The following GRM4 variants were observed in gnomAD, a reference collection of about 807,000 sequenced individuals.
The protein encoded by GRM4 is glutamate metabotropic receptor 4, also known as metabotropic glutamate receptor 4.
GRM4 carries 28 observed loss-of-function variants against 81.7 expected under a neutral mutation model. The ratio of observed to expected loss-of-function variants is 0.34; its 90% CI spans 0.25 to 0.47. The LOEUF is 0.47. Ranked by LOEUF, GRM4 falls within the 20% of genes least tolerant of loss-of-function variation. The pLI, the probability that GRM4 is intolerant of heterozygous loss-of-function variation, is 1.00. For synonymous variants in GRM4, 488 were observed against 528.8 expected, an observed-to-expected ratio of 0.92 and a Z score of 1.06; for missense variants, 948 against 1,290.0, an observed-to-expected ratio of 0.73 and a Z score of 4.06.
Position 34,133,326 on chromosome 6 carries a change from C to T in GRM4, c.171G>A (p.Val57=), listed in dbSNP as rs759908036. ...GCTTGCCCTCTGAGCCCCGGCCATG[C>T]ACCGGGAACAGGCCTCCCAGTGTGA... The part of the protein sequence containing the change: ...GDITLGGLFP[V]HGRGSEGKPC... Residue 57 remains valine, a synonymous_variant, in exon 2 of 11, where the codon GTG becomes GTA. Transcript: ENST00000538487. This position sits in a 1 kb window ranked among gnomAD's most constrained non-coding sequence, Gnocchi z 6.5. 3.0e-5 allele frequency: 49 copies of T among 1,613,972 alleles called. No individual in the cohort carries two copies. The highest frequency in any genetic ancestry group is 4.0e-5 in the Non-Finnish European group (47 of 1,179,994).
intron 2 of GRM4, among the ~76,000 whole-genome samples, chr6:34,108,817 G>A (rs1489979080): frequency 6.6e-6 from 1 of 151,948 alleles, no homozygotes; most frequent in Non-Finnish European, 1.5e-5. Context: ...GAGGTCCCCT[G>A]CTCACGAAGG....
In GRM4 at chr6:34,022,778, A is replaced by G. The variant is rs1365593921; in HGVS notation, c.*43T>C. ...GGCCCTGGCCCGACGCACCTTCCACAGGGTCACGGCTCCTCCTCCTGCTGC... is the reference window on the plus strand; with the variant it reads ...GGCCCTGGCCCGACGCACCTTCCACGGGGTCACGGCTCCTCCTCCTGCTGC... On this transcript the variant is annotated 3_prime_UTR_variant, in exon 11 of 11. Transcript: ENST00000538487. This position sits in a 1 kb window ranked among gnomAD's most constrained non-coding sequence, Gnocchi z 5.6. 3 of 1,574,176 alleles carry G rather than the reference A, an allele frequency of 1.9e-6. No homozygotes were observed. The highest frequency in any genetic ancestry group is 1.1e-5 in the South Asian group (1 of 90,268).
intron 1 of GRM4, 36 bp downstream of exon 1, chr6:34,145,964 C>A (rs891089982): frequency 4.1e-6 from 4 of 983,088 alleles, no homozygotes; most frequent in African/African-American, 3.5e-5. Context: ...GAAGCCCCCC[C>A]CTTCCTCCTC....
rs116066130 is a variant in GRM4, at chr6:34,085,526, G to A, written c.736+6357C>T. Among the ~76,000 whole-genome samples the A allele has an allele frequency of 7.0e-3, 1,072 of 152,288 alleles. 8 individuals carry two copies. Among genetic ancestry groups the A allele is most frequent in the African/African-American group, 0.024 (1,017 of 41,568 alleles). On this transcript the variant is annotated intron_variant, in intron 3 of 10. Transcript: ENST00000538487. The stretch of plus-strand genomic sequence containing the variant: ...GCCTCACCCCCAATGCCTACACCCC[G>A]TCAGCCTCAGTTTGCCCCTCTGTAG...
At chr6:34,038,960 C>T (rs1764853203) in intron 8 of GRM4, among the ~76,000 whole-genome samples, 1 of 152,240 alleles carries the variant, frequency 6.6e-6, no homozygotes, top group Non-Finnish European at 1.5e-5. Context: ...AGCTCGGACA[C>T]AGCAGGTACT....
At position 34,043,737 on chromosome 6, in the gene GRM4, G is replaced by A. The variant is rs138641740; in HGVS notation, c.1169-2989C>T. Among the ~76,000 whole-genome samples the A allele has an allele frequency of 1.5e-3, 229 of 152,260 alleles. 1 individual carries two copies. Among genetic ancestry groups the A allele is most frequent in the African/African-American group, 5.2e-3 (214 of 41,532 alleles). On this transcript the variant is annotated intron_variant, in intron 6 of 10. Coordinates refer to ENST00000538487, the MANE Select transcript of GRM4 (RefSeq NM_000841.4). ...GGCTCGGGGCCAAGTGCTCTCTCTG[G>A]GGTCACGAAGCCATCAGTATGGATG... is the stretch of plus-strand genomic sequence containing the variant.
At chr6:34,126,621 T>C (rs1007379071) in intron 2 of GRM4, among the ~76,000 whole-genome samples, 1 of 152,226 alleles carries the variant, frequency 6.6e-6, no homozygotes, top group Admixed American at 6.5e-5. Context: ...TAGTGGGCAC[T>C]GGCTTGACCC....
Position 34,098,694 on chromosome 6 carries a change from T to TA in GRM4, c.520-6596dup, listed in dbSNP as rs373815951. Among the ~76,000 whole-genome samples, 620 of 152,338 alleles carry TA rather than the reference T, an allele frequency of 4.1e-3. 2 individuals are homozygous for TA. Among genetic ancestry groups the TA allele is most frequent in the Middle Eastern group, 0.021 (6 of 292 alleles). Reference sequence around the variant, plus strand: ...CAGCATCAGCTGTTTGCTTCACAGATAAAAGCCAGTGATGCTTTCAGGTAA... The same window carrying TA: ...CAGCATCAGCTGTTTGCTTCACAGATAAAAAGCCAGTGATGCTTTCAGGTAA... On this transcript the variant is annotated intron_variant, in intron 2 of 10. Transcript: ENST00000538487.
At chr6:34,076,973 T>C (rs1411648222) in intron 3 of GRM4, among the ~76,000 whole-genome samples, 2 of 151,792 alleles carry the variant, frequency 1.3e-5, no homozygotes, top group East Asian at 3.9e-4. Context: ...CAGGAGAGCC[T>C]TGGGGAGCAA....
intron 2 of GRM4, among the ~76,000 whole-genome samples, chr6:34,120,030 G>A (rs1255676011): frequency 6.6e-6 from 1 of 152,190 alleles, no homozygotes; most frequent in Non-Finnish European, 1.5e-5. Flanking sequence ...GGGTTGGGGT[G>A]TGTCTCTTGG....
intron 1 of GRM4, among the ~76,000 whole-genome samples, chr6:34,138,380 C>T (rs546607739): frequency 1.1e-4 from 17 of 152,362 alleles, no homozygotes; most frequent in African/African-American, 3.8e-4. Flanking sequence ...GCAGGGCCCA[C>T]CCAGCCCAGG....
intron 2 of GRM4, among the ~76,000 whole-genome samples, chr6:34,113,843 G>A (rs1769482532): frequency 6.6e-6 from 1 of 152,120 alleles, no homozygotes; most frequent in Non-Finnish European, 1.5e-5. Context: ...AACTCTCCAA[G>A]GCTATCTACT....
intron 1 of GRM4, among the ~76,000 whole-genome samples, chr6:34,139,497 C>T (rs568674027): frequency 1.2e-3 from 182 of 152,338 alleles, no homozygotes; most frequent in African/African-American, 4.2e-3. Flanking sequence ...AGCTGAGATC[C>T]TTCCTCCTCC....
rs1337584088 is a variant in GRM4 at position 34,136,271 on chromosome 6, C to G, written c.-363-2412G>C. ...GGGCACAGAGCTTGTGCAGGCTGCC[C>G]GTGCCCCTGGCTGCTCCTCTGTGCT... On this transcript the variant is annotated intron_variant, in intron 1 of 10. Transcript: ENST00000538487. This position sits in a 1 kb window ranked among gnomAD's most constrained non-coding sequence, Gnocchi z 4.1. Among the ~76,000 whole-genome samples the G allele has an allele frequency of 6.6e-6, 1 of 152,120 alleles. No homozygotes were observed. The highest frequency in any genetic ancestry group is 1.5e-5 in the Non-Finnish European group (1 of 68,018).
intron 1 of GRM4, among the ~76,000 whole-genome samples, chr6:34,144,524 C>G (rs973638946): frequency 6.6e-6 from 1 of 152,230 alleles, no homozygotes; most frequent in Non-Finnish European, 1.5e-5. Context: ...ACCCTAGAGA[C>G]CCCCACAACC....
chr6:34,050,348 C>T (rs1765555917), intron 6 of GRM4, among the ~76,000 whole-genome samples: 1 of 152,166 alleles, frequency 6.6e-6, no homozygotes, highest in African/African-American at 2.4e-5. Flanking sequence ...AAGGTGGGGC[C>T]TGGTGGGATG....
rs1763905972 is a variant in GRM4 at position 34,022,178 on chromosome 6, C to CT, written c.*642dup. ...GTGTTTTGATTTTTTTTCCTTTTTTCTCTTTTGCAACATGTAAGGTTTGGT... is the reference window on the plus strand; with the variant it reads ...GTGTTTTGATTTTTTTTCCTTTTTTCTTCTTTTGCAACATGTAAGGTTTGGT... On this transcript the variant is annotated 3_prime_UTR_variant, in exon 11 of 11. Coordinates refer to ENST00000538487, the MANE Select transcript of GRM4 (RefSeq NM_000841.4). This position sits in a 1 kb window ranked among gnomAD's most constrained non-coding sequence, Gnocchi z 5.6. 1 of 153,214 alleles carries CT rather than the reference C, an allele frequency of 6.5e-6. No individual in the cohort carries two copies. The highest frequency in any genetic ancestry group is 6.5e-5 in the Admixed American group (1 of 15,284). The allele number at this position is 153,214 out of a possible 1,614,324, so 9.5% of individuals were successfully genotyped here. A position where few individuals can be genotyped will look rare whatever the true frequency, so the allele number is the denominator to read the frequency against.
At chr6:34,091,832 C>A in intron 3 of GRM4, 51 bp downstream of exon 3, 1 of 1,367,108 alleles carries the variant, frequency 7.3e-7, no homozygotes, top group African/African-American at 1.4e-5. Context: ...AGTCACTGTG[C>A]CGGGACACCC....
intron 1 of GRM4, among the ~76,000 whole-genome samples, chr6:34,140,086 C>A (rs138713986): frequency 5.3e-5 from 8 of 152,138 alleles, no homozygotes; most frequent in African/African-American, 1.9e-4. Flanking sequence ...GATAAGGGGA[C>A]AGGGAATGAC....
Sources: gnomAD v4.1 joint callset for allele counts (sites outside exome capture counted in the v4.1 genomes callset) on GRCh38, gnomAD v4.1.1 for gene constraint, Gnocchi (gnomAD v3.1) non-coding constraint, MANE v1.5 for transcripts, NCBI Gene and HGNC (gene_info 2026-07-23, HGNC 2026-07-21) for gene names.